The following NUP214 variants were observed in gnomAD, a reference collection of about 807,000 sequenced individuals.
The protein encoded by NUP214 is nuclear pore complex protein Nup214.
In NUP214, 79 loss-of-function variants were observed where a neutral mutation model predicts 196.2. That is an observed-to-expected ratio of 0.40 (90% CI 0.34 to 0.49). The LOEUF (loss-of-function observed/expected upper bound fraction) is 0.49. Ranked by LOEUF, NUP214 falls within the 20% of genes least tolerant of loss-of-function variation. The pLI is 0.58. For synonymous variants in NUP214, 1,020 were observed against 990.5 expected (o/e 1.03, Z -0.56); for missense variants, 2,468 against 2,539.0 (o/e 0.97, Z 0.60).
chr9:131,140,207 C>A (rs190272597), intron 10 of NUP214, among the ~76,000 whole-genome samples: 1 of 152,308 alleles, frequency 6.6e-6, no homozygotes, highest in Non-Finnish European at 1.5e-5. Context: ...AGATATTCTT[C>A]TCTTGGTCAG....
chr9:131,206,311 A>AT (rs1390419981), intron 30 of NUP214, among the ~76,000 whole-genome samples: 1 of 150,080 alleles, frequency 6.7e-6, no homozygotes, highest in Non-Finnish European at 1.5e-5. Flanking sequence ...TGCCTGGCTA[A>AT]TTTTTTGTAT....
chr9:131,151,637 G>A, intron 16 of NUP214, 99 bp from the exon 17 acceptor site: 1 of 839,562 alleles, frequency 1.2e-6, no homozygotes, highest in Non-Finnish European at 1.9e-6. Context: ...TGTTCATTCT[G>A]TTCAGTGAGC....
In NUP214 at chr9:131,198,337, C is replaced by A. The variant is rs763141311; in HGVS notation, c.4843C>A (p.Pro1615Thr). The A allele has an allele frequency of 6.8e-6, 11 of 1,614,100 alleles. No homozygotes were observed. The East Asian group carries it at 2.4e-4, about 36-fold the overall frequency. The change falls in exon 29 of 36, where the codon CCC (proline) becomes ACC (threonine). Residue 1615 changes from proline (P) to threonine (T), a missense_variant. Pro to Thr is a conservative substitution (Grantham distance 38). This residue lies in a region of NUP214 where 1,801 missense variants were observed against 1,779.4 expected (regional missense o/e 1.01). Transcript: ENST00000359428. The part of the protein sequence containing the change: ...GPVAVETSST[P>T]IASSTTSIVA... ...TGTGGCCGTCGAAACATCAAGTACC[C>A]CCATAGCCTCCAGCACCACGTCCAT... is the stretch of plus-strand genomic sequence containing the variant.
At chr9:131,202,783 G>A (rs1424275759) in intron 30 of NUP214, among the ~76,000 whole-genome samples, 4 of 151,766 alleles carry the variant, frequency 2.6e-5, no homozygotes, top group African/African-American at 4.8e-5. Flanking sequence ...AGAAAAAAGA[G>A]GAAGAAGATT....
Position 131,197,541 on chromosome 9 carries a change from C to G in NUP214, c.4047C>G (p.Thr1349=), listed in dbSNP as rs756491477. Residue 1349 remains threonine (T), a synonymous_variant, in exon 29 of 36, where the codon ACC becomes ACG. Coordinates refer to ENST00000359428, the MANE Select transcript of NUP214 (RefSeq NM_005085.4). The stretch of plus-strand genomic sequence containing the variant: ...AAGCAGATGATTCTACAAAACCAAC[C>G]AATAAGGCTTCATCCACAAGCCTAA... ...VGQADDSTKP[T]NKASSTSLTS... is the part of the protein sequence containing the mutation. 1 of 1,614,134 alleles carries G rather than the reference C, an allele frequency of 6.2e-7. No homozygotes were observed. The highest frequency in any genetic ancestry group is 8.5e-7 in the Non-Finnish European group (1 of 1,180,004).
In NUP214 at chr9:131,198,340, A is replaced by G. The variant is rs1833851502; in HGVS notation, c.4846A>G (p.Ile1616Val). 6.2e-7 allele frequency: 1 copy of G among 1,614,222 alleles called. No homozygotes were observed. The highest frequency in any genetic ancestry group is 8.5e-7 in the Non-Finnish European group (1 of 1,180,030). The change falls in exon 29 of 36, where the codon ATA (isoleucine) becomes GTA (valine). Residue 1616 changes from isoleucine to valine, a missense_variant. Ile to Val is a conservative substitution (Grantham distance 29). This residue lies in a region of NUP214 where 1,801 missense variants were observed against 1,779.4 expected (regional missense o/e 1.01). Coordinates refer to ENST00000359428, the MANE Select transcript of NUP214 (RefSeq NM_005085.4). ...PVAVETSSTP[I>V]ASSTTSIVAP... ...GGCCGTCGAAACATCAAGTACCCCC[A>G]TAGCCTCCAGCACCACGTCCATTGT...
intron 7 of NUP214, 68 bp downstream of exon 7, chr9:131,133,277 G>A: frequency 1.3e-6 from 1 of 769,228 alleles, no homozygotes; most frequent in Non-Finnish European, 2.0e-6. Flanking sequence ...TGGAGGCTTT[G>A]ATTTCAAGGG....
chr9:131,215,234 G>A lies in NUP214; in HGVS notation c.5615G>A (p.Ser1872Asn). The A allele has an allele frequency of 1.9e-6, 3 of 1,567,218 alleles. No homozygotes were observed. Among genetic ancestry groups the A allele is most frequent in the Non-Finnish European group, 2.6e-6 (3 of 1,159,434 alleles). ...TAGCAATCATCCTCTTCCAGTGGTAGCGTGTTTGGGTCTGGAAACACTGGA... is the reference window on the plus strand; with the variant it reads ...TAGCAATCATCCTCTTCCAGTGGTAACGTGTTTGGGTCTGGAAACACTGGA... ...FGQQSSSSSG[S>N]VFGSGNTGRG... is the part of the protein sequence containing the mutation. The change falls in exon 31 of 36, where the codon AGC (serine) becomes AAC (asparagine). Residue 1872 changes from serine to asparagine, a missense_variant. Physicochemically the swap from Ser to Asn is conservative, Grantham distance 46. Coordinates refer to ENST00000359428, the MANE Select transcript of NUP214 (RefSeq NM_005085.4).
intron 17 of NUP214, among the ~76,000 whole-genome samples, chr9:131,152,337 T>C (rs987723728): frequency 6.6e-5 from 10 of 152,116 alleles, no homozygotes; most frequent in Admixed American, 2.6e-4. Context: ...GCCCAGCTGG[T>C]CTTGAACTCC....
chr9:131,145,597 T>TAG (rs1349977105), intron 12 of NUP214, among the ~76,000 whole-genome samples: 1 of 152,246 alleles, frequency 6.6e-6, no homozygotes, highest in Non-Finnish European at 1.5e-5. Flanking sequence ...ACCAGTCATC[T>TAG]AATGCTGGAG....
rs1342282165 is a variant in NUP214, at chr9:131,170,737, T to C, written c.2894-3318T>C. On this transcript the variant is annotated intron_variant, in intron 21 of 35. Transcript: ENST00000359428. ...CTTGGCCTTGTAACTATGGAAACAA[T>C]GAAATCCTCCATGGATACTAATGGT... Among the ~76,000 whole-genome samples the C allele has an allele frequency of 2.0e-5, 3 of 152,236 alleles. No individual in the cohort carries two copies. The East Asian group carries it at 5.8e-4, about 29-fold the overall frequency.
At position 131,144,411 on chromosome 9, in the gene NUP214, G is replaced by A; in HGVS notation, c.1426G>A (p.Gly476Ser). 6.2e-7 allele frequency: 1 copy of A among 1,614,074 alleles called. No homozygotes were observed. Among genetic ancestry groups the A allele is most frequent in the South Asian group, 1.1e-5 (1 of 91,074 alleles). ...TGCCACTTTTTCTTTGCTTCCTGCTGGTGGAGCCCCCACTGTGTTCTCCTT... is the reference window on the plus strand; with the variant it reads ...TGCCACTTTTTCTTTGCTTCCTGCTAGTGGAGCCCCCACTGTGTTCTCCTT... ...PIATFSLLPA[G>S]GAPTVFSFGS... is the part of the protein sequence containing the mutation. The change falls in exon 12 of 36, where the codon GGT (glycine) becomes AGT (serine). Residue 476 changes from glycine to serine, a missense_variant. Physicochemically the swap from Gly to Ser is moderately conservative, Grantham distance 56. This residue lies in a region of NUP214 where 1,801 missense variants were observed against 1,779.4 expected (regional missense o/e 1.01). Coordinates refer to ENST00000359428, the MANE Select transcript of NUP214 (RefSeq NM_005085.4).
chr9:131,136,404 G>A (rs1009464626), intron 9 of NUP214: 1 of 161,934 alleles, frequency 6.2e-6, no homozygotes, highest in Non-Finnish European at 1.4e-5. Flanking sequence ...CAAATGGCTT[G>A]GCTATTGCAT....
chr9:131,164,194 G>GGT (rs560811892), intron 21 of NUP214, 50 bp downstream of exon 21: 51 of 1,562,448 alleles, frequency 3.3e-5, no homozygotes, highest in East Asian at 1.1e-4. Context: ...GGTGTGGTGG[G>GGT]GTGTGTGTGT....
intron 17 of NUP214, among the ~76,000 whole-genome samples, chr9:131,154,888 CGTT>C (rs367661188): frequency 4.8e-4 from 73 of 152,294 alleles, no homozygotes; most frequent in Middle Eastern, 3.4e-3. Flanking sequence ...TTTATCCACT[CGTT>C]GATTGATGGG....
rs1450575786 is a variant in NUP214, at chr9:131,198,604, A to C, written c.5110A>C (p.Ser1704Arg). 6.2e-7 allele frequency: 1 copy of C among 1,614,128 alleles called. No individual in the cohort carries two copies. The highest frequency in any genetic ancestry group is 8.5e-7 in the Non-Finnish European group (1 of 1,180,042). The change falls in exon 29 of 36, where the codon AGC (serine) becomes CGC (arginine). Residue 1704 changes from serine to arginine, a missense_variant. Coordinates refer to ENST00000359428, the MANE Select transcript of NUP214 (RefSeq NM_005085.4). Reference protein sequence around the residue: ...ASTAAATPQVSSSGFSSPAFG... With the variant: ...ASTAAATPQVRSSGFSSPAFG... ...CACAGCAGCTGCCACACCACAGGTC[A>C]GCAGCTCAGGGTTTAGCAGCCCAGC... is the stretch of plus-strand genomic sequence containing the variant.
chr9:131,213,592 A>G (rs1483214012), intron 30 of NUP214, among the ~76,000 whole-genome samples: 1 of 152,206 alleles, frequency 6.6e-6, no homozygotes, highest in African/African-American at 2.4e-5. Flanking sequence ...GACGTCAGCT[A>G]AGCAGTCAAA....
chr9:131,144,600 G>T lies in NUP214; in HGVS notation c.1615G>T (p.Val539Leu). The T allele has an allele frequency of 6.2e-7, 1 of 1,614,040 alleles. No individual in the cohort carries two copies. The change falls in exon 12 of 36, where the codon GTG becomes TTG. Residue 539 changes from valine to leucine, a missense_variant. Around this residue, in one of 5 missense-constraint regions of NUP214, gnomAD observed 1,801 missense variants for 1,779.4 expected, o/e 1.01. Coordinates refer to ENST00000359428, the MANE Select transcript of NUP214 (RefSeq NM_005085.4). ...AGCCCCCACCCCTGCAGCGTCTCCT[G>T]TGGCTCCATCAGCTGCTTCATTCTC... ...SLAPTPAASP[V>L]APSAASFSFG...
chr9:131,146,339 C>T lies in NUP214; in HGVS notation c.1945+35C>T. On this transcript the variant is annotated intron_variant, in intron 13 of 35. Coordinates refer to ENST00000359428, the MANE Select transcript of NUP214 (RefSeq NM_005085.4). This position sits in a 1 kb window ranked among gnomAD's most constrained non-coding sequence, Gnocchi z 4.6. ...TAAGCAGACAACTTTAGACCTCAGC[C>T]CTGCCTTCTCAGATTAACGGTTTTA... 1 of 1,594,888 alleles carries T rather than the reference C, an allele frequency of 6.3e-7. No individual in the cohort carries two copies. Among genetic ancestry groups the T allele is most frequent in the Non-Finnish European group, 8.6e-7 (1 of 1,164,314 alleles).
Sources: gnomAD v4.1 joint callset for allele counts (sites outside exome capture counted in the v4.1 genomes callset) on GRCh38, gnomAD v4.1.1 for gene constraint, gnomAD v4.1.1 regional missense constraint, Gnocchi (gnomAD v3.1) non-coding constraint, MANE v1.5 for transcripts, NCBI Gene and HGNC (gene_info 2026-07-23, HGNC 2026-07-21) for gene names.